The following ARMH4 variants were observed in gnomAD, a reference collection of about 807,000 sequenced individuals.
ARMH4 encodes the protein armadillo like helical domain containing 4, also known as armadillo-like helical domain-containing protein 4.
ARMH4 carries 49 observed loss-of-function variants against 61.9 expected under a neutral mutation model. The observed-to-expected ratio is 0.79, with a 90% CI of 0.63 to 1.00. The LOEUF is 1.00. Ranked by LOEUF, ARMH4 falls within the 50% of genes least tolerant of loss-of-function variation. The pLI is 0.00. For missense variants in ARMH4, 934 were observed against 930.0 expected, an observed-to-expected ratio of 1.00 and a Z score of -0.06; for synonymous variants, 368 against 341.5, an observed-to-expected ratio of 1.08 and a Z score of -0.85.
At chr14:58,041,680 G>A (rs1883710431) in intron 5 of ARMH4, among the ~76,000 whole-genome samples, 1 of 152,112 alleles carries the variant, frequency 6.6e-6, no homozygotes, top group Non-Finnish European at 1.5e-5. Context: ...ACCCATCAGT[G>A]TGCTGTATTC....
intron 1 of ARMH4, chr14:58,141,456 CA>C: frequency 1.8e-6 from 1 of 541,042 alleles, no homozygotes; most frequent in South Asian, 1.4e-5. Flanking sequence ...TCTCAGGCTA[CA>C]ACATCCAGAA....
chr14:58,030,003 G>T (rs914035001), intron 5 of ARMH4, among the ~76,000 whole-genome samples: 1 of 152,066 alleles, frequency 6.6e-6, no homozygotes, highest in Non-Finnish European at 1.5e-5. Context: ...GACATACAGT[G>T]GAATATTATT....
chr14:58,038,305 A>G, intron 5 of ARMH4, among the ~76,000 whole-genome samples: 1 of 96,522 alleles, frequency 1.0e-5, no homozygotes, highest in Non-Finnish European at 2.2e-5. Flanking sequence ...CGCAAGAACA[A>G]AAAACCAAAC....
intron 5 of ARMH4, among the ~76,000 whole-genome samples, chr14:58,056,084 G>A (rs891517074): frequency 2.0e-5 from 3 of 152,150 alleles, no homozygotes; most frequent in Non-Finnish European, 2.9e-5. Context: ...TGGAGGAGAC[G>A]GAAACTTTTA....
At chr14:58,113,120 C>G (rs1811482296) in intron 4 of ARMH4, among the ~76,000 whole-genome samples, 1 of 152,024 alleles carries the variant, frequency 6.6e-6, no homozygotes, top group South Asian at 2.1e-4. Context: ...ACCAGAAGCC[C>G]CCTTCATACC....
intron 4 of ARMH4, among the ~76,000 whole-genome samples, chr14:58,103,463 C>A (rs935361473): frequency 1.3e-5 from 2 of 152,090 alleles, no homozygotes; most frequent in Admixed American, 6.5e-5. Context: ...TTGGACCCCT[C>A]AGCCTCCAGA....
At chr14:58,017,429 A>AT (rs1882656274) in intron 5 of ARMH4, among the ~76,000 whole-genome samples, 1 of 152,208 alleles carries the variant, frequency 6.6e-6, no homozygotes, top group South Asian at 2.1e-4. Flanking sequence ...TCATAAACAA[A>AT]TTCAGTAAAT....
chr14:58,147,126 C>G (rs569631548), intron 1 of ARMH4, among the ~76,000 whole-genome samples: 12 of 152,278 alleles, frequency 7.9e-5, no homozygotes, highest in Admixed American at 6.5e-4. Flanking sequence ...TTCATCTGAA[C>G]TTTGGTGGCC....
intron 5 of ARMH4, among the ~76,000 whole-genome samples, chr14:58,092,799 A>G (rs577854199): frequency 6.7e-6 from 1 of 150,298 alleles, no homozygotes; most frequent in South Asian, 2.1e-4. Context: ...ACCCATTCCA[A>G]TTTAAAGATC....
At chr14:58,116,440 C>T (rs1002201932) in intron 4 of ARMH4, 17 of 378,060 alleles carry the variant, frequency 4.5e-5, no homozygotes, top group Middle Eastern at 4.4e-4. Flanking sequence ...TTTGGGAGGC[C>T]GAGGCAGGCA....
In ARMH4 at chr14:58,138,093, C is replaced by G. The variant is rs61745856; in HGVS notation, c.1266G>C (p.Thr422=). 1.2e-6 allele frequency: 2 copies of G among 1,614,144 alleles called. No individual in the cohort carries two copies. Among genetic ancestry groups the G allele is most frequent in the East Asian group, 4.5e-5 (2 of 44,888 alleles). ...VNLLQSTGDF[T]ESTKENDALF... ...GGGCATCGTTTTCCTTGGTGGATTC[C>G]GTGAAGTCTCCCGTACTTTGGAGCA... Residue 422 remains threonine (T), a synonymous_variant, in exon 2 of 8, where the codon ACG becomes ACC. Coordinates refer to ENST00000267485, the MANE Select transcript of ARMH4 (RefSeq NM_001001872.4).
intron 5 of ARMH4, among the ~76,000 whole-genome samples, chr14:58,039,729 G>C (rs1200649105): frequency 6.6e-6 from 1 of 152,158 alleles, no homozygotes; most frequent in African/African-American, 2.4e-5. Flanking sequence ...AGAATTTCCT[G>C]CTTCTCATTC....
rs1566599464 is a variant in ARMH4 at position 58,138,399 on chromosome 14, C to T, written c.960G>A (p.Glu320=). The change falls in exon 2 of 8, where the codon GAG becomes GAA. Residue 320 remains glutamate (E), a synonymous_variant. Coordinates refer to ENST00000267485, the MANE Select transcript of ARMH4 (RefSeq NM_001001872.4). ...LSDEWDDTKL[E]SVSRIRTPKL... is the part of the protein sequence containing the mutation. ...TGGGGGTCCTTATCCGGCTTACACTCTCTAATTTGGTGTCATCCCACTCAT... is the reference window on the plus strand; with the variant it reads ...TGGGGGTCCTTATCCGGCTTACACTTTCTAATTTGGTGTCATCCCACTCAT... 1 of 1,614,176 alleles carries T rather than the reference C, an allele frequency of 6.2e-7. No homozygotes were observed.
intron 5 of ARMH4, among the ~76,000 whole-genome samples, chr14:58,044,295 C>A (rs1477567869): frequency 6.6e-6 from 1 of 152,112 alleles, no homozygotes; most frequent in Non-Finnish European, 1.5e-5. Context: ...GAATAGAGCC[C>A]TCAGAAATAA....
chr14:58,106,190 C>T (rs1443632403), intron 4 of ARMH4, among the ~76,000 whole-genome samples: 1 of 152,198 alleles, frequency 6.6e-6, no homozygotes, highest in African/African-American at 2.4e-5. Flanking sequence ...CGACGGGCTC[C>T]TTGCCATGGA....
intron 4 of ARMH4, among the ~76,000 whole-genome samples, chr14:58,119,375 T>C (rs944951204): frequency 3.2e-4 from 49 of 152,212 alleles, no homozygotes; most frequent in African/African-American, 1.1e-3. Context: ...TGCAATAAAA[T>C]TCTCATGTTT....
chr14:58,005,104 T>A lies in ARMH4; in HGVS notation c.2200A>T (p.Ser734Cys). The change falls in exon 7 of 8, where the codon AGC (serine) becomes TGC (cysteine). Residue 734 changes from serine (S) to cysteine (C), a missense_variant. By Grantham distance (112) the Ser-to-Cys change is moderately radical. Coordinates refer to ENST00000267485, the MANE Select transcript of ARMH4 (RefSeq NM_001001872.4). ...CTTCGGCGATTCATAACCTTAATGC[T>A]GTAGAGGGCTCCCAAGATGAACAAG... is the stretch of plus-strand genomic sequence containing the variant. ...GALFILGALY[S>C]IKVMNRRRRN... is the part of the protein sequence containing the mutation. The A allele has an allele frequency of 1.2e-6, 2 of 1,614,066 alleles. No individual in the cohort carries two copies. The highest frequency in any genetic ancestry group is 8.5e-7 in the Non-Finnish European group (1 of 1,179,968).
intron 5 of ARMH4, among the ~76,000 whole-genome samples, chr14:58,047,156 C>T (rs8013464): frequency 0.35 from 52,718 of 152,064 alleles, 9,393 homozygotes; most frequent in Non-Finnish European, 0.39. Flanking sequence ...CATAATAATA[C>T]GACCGTAAAC....
At chr14:58,104,188 C>T (rs956564664) in intron 4 of ARMH4, among the ~76,000 whole-genome samples, 8 of 152,166 alleles carry the variant, frequency 5.3e-5, no homozygotes, top group South Asian at 2.1e-4. Context: ...CATGAGATGC[C>T]TTCTTCTGAG....
Sources: allele counts gnomAD v4.1 joint callset (sites outside exome capture counted in the v4.1 genomes callset), GRCh38; gene constraint gnomAD v4.1.1; transcripts MANE v1.5; gene names NCBI Gene and HGNC (gene_info 2026-07-23, HGNC 2026-07-21).